The following SYTL2 variants were observed in gnomAD, a reference collection of about 807,000 sequenced individuals.
The protein encoded by SYTL2 is synaptotagmin-like protein 2.
In SYTL2, 165 loss-of-function variants were observed where a neutral mutation model predicts 198.7. The ratio of observed to expected loss-of-function variants is 0.83; its 90% confidence interval spans 0.73 to 0.94. The LOEUF (loss-of-function observed/expected upper bound fraction) is 0.94. Among genes scored for constraint, SYTL2 ranks in the 40% least tolerant of loss-of-function variants. The pLI, the probability that SYTL2 is intolerant of heterozygous loss-of-function variation, is 0.00. For synonymous variants in SYTL2, 966 were observed against 917.7 expected, an observed-to-expected ratio of 1.05 and a Z score of -0.95; for missense variants, 2,835 against 2,582.8, an observed-to-expected ratio of 1.10 and a Z score of -2.12.
At chr11:85,728,017 A>C (rs2089409885) in intron 7 of SYTL2, 50 bp from the exon 8 acceptor site, 1 of 1,455,056 alleles carries the variant, frequency 6.9e-7, no homozygotes, top group Admixed American at 2.4e-5. Context: ...TGCTTAAAGA[A>C]CTGTTAATCA....
Position 85,721,418 on chromosome 11 carries a change from A to G in SYTL2, c.5327-459T>C, listed in dbSNP as rs112270717. On this transcript the variant is annotated intron_variant, in intron 8 of 19. Transcript: ENST00000359152. The stretch of plus-strand genomic sequence containing the variant: ...GTACACATATGAGTGCATTCTCCAG[A>G]TCAAAGGTTGTAGACTTTCTGGGTT... Among the ~76,000 whole-genome samples the G allele has an allele frequency of 5.1e-4, 77 of 152,252 alleles. 1 individual carries two copies. Among genetic ancestry groups the G allele is most frequent in the African/African-American group, 1.7e-3 (72 of 41,536 alleles).
chr11:85,790,002 T>G (rs543026931), intron 1 of SYTL2, among the ~76,000 whole-genome samples: 1 of 152,066 alleles, frequency 6.6e-6, no homozygotes, highest in Non-Finnish European at 1.5e-5. Flanking sequence ...TTTTCAGATT[T>G]TGGAATATTT....
the SYTL2 span, among the ~76,000 whole-genome samples, chr11:85,820,357 G>T: frequency 6.6e-6 from 1 of 152,028 alleles, no homozygotes; most frequent in Non-Finnish European, 1.5e-5. Context: ...GGAGCACATG[G>T]GTTTTACCAA....
intron 1 of SYTL2, among the ~76,000 whole-genome samples, chr11:85,772,632 T>C (rs944988121): frequency 2.6e-5 from 4 of 152,176 alleles, no homozygotes; most frequent in African/African-American, 9.7e-5. Flanking sequence ...CATTTAACAT[T>C]AGATATCAAA....
In SYTL2 at chr11:85,727,512, T is replaced by C. The variant is rs1361194313; in HGVS notation, c.1846A>G (p.Met616Val). Residue 616 changes from methionine (M) to valine (V), a missense_variant, in exon 8 of 20, where the codon ATG becomes GTG. Around this residue, in one of 3 missense-constraint regions of SYTL2, gnomAD observed 2,645 missense variants for 2,381.7 expected, o/e 1.11. Transcript: ENST00000359152. ...GGGGTGCCTTTTTGGGACAAATTCA[T>C]GAATTTGGATTTGATATTCACATTA... ...DNNVNIKSKF[M>V]NLSQKGTPKE... 4 of 1,536,132 alleles carry C rather than the reference T, an allele frequency of 2.6e-6. No homozygotes were observed. The Admixed American group carries it at 7.8e-5, about 30-fold the overall frequency.
rs145351689 is a variant in SYTL2 at position 85,756,708 on chromosome 11, A to G, written c.101+917T>C. 2.7e-3 allele frequency among the ~76,000 whole-genome samples: 404 copies of G among 152,316 alleles called. 2 individuals are homozygous for G. Among genetic ancestry groups the G allele is most frequent in the African/African-American group, 9.3e-3 (385 of 41,564 alleles). ...TATAGAAGTTATTTTAGTAGTCATA[A>G]TCAGACATTCTGTAGTGGTTGAAGT... is the stretch of plus-strand genomic sequence containing the variant. On this transcript the variant is annotated intron_variant, in intron 2 of 19. Coordinates refer to ENST00000359152, the MANE Select transcript of SYTL2 (RefSeq NM_206927.4).
At chr11:85,763,317 C>T (rs2092148993) in intron 1 of SYTL2, among the ~76,000 whole-genome samples, 1 of 152,122 alleles carries the variant, frequency 6.6e-6, no homozygotes, top group South Asian at 2.1e-4. Context: ...ATGTGTCAGC[C>T]CTACCATGCC....
intron 1 of SYTL2, among the ~76,000 whole-genome samples, chr11:85,793,125 G>C (rs999724365): frequency 6.6e-6 from 1 of 151,518 alleles, no homozygotes; most frequent in African/African-American, 2.4e-5. Flanking sequence ...ATGATTTATA[G>C]TCCTTTGGGT....
chr11:85,802,968 T>C (rs1239856936), intron 1 of SYTL2, among the ~76,000 whole-genome samples: 4 of 152,230 alleles, frequency 2.6e-5, no homozygotes, highest in Admixed American at 1.3e-4. Context: ...ATGGGAAACA[T>C]GGACACTAGC....
At chr11:85,781,992 C>T (rs1237626636) in intron 1 of SYTL2, among the ~76,000 whole-genome samples, 1 of 152,238 alleles carries the variant, frequency 6.6e-6, no homozygotes, top group East Asian at 1.9e-4. Context: ...CTTCTCACAG[C>T]TCCACTAGGC....
chr11:85,790,890 G>A (rs975187570), intron 1 of SYTL2, among the ~76,000 whole-genome samples: 18 of 152,070 alleles, frequency 1.2e-4, no homozygotes, highest in Non-Finnish European at 2.2e-4. Flanking sequence ...TAGGCTGGGC[G>A]TGGTGGCTCA....
the SYTL2 span, among the ~76,000 whole-genome samples, chr11:85,845,418 T>C: frequency 6.6e-6 from 1 of 152,194 alleles, no homozygotes; most frequent in Admixed American, 6.5e-5. Context: ...TTGGAGTAAT[T>C]TGTTGTGCAA....
At position 85,754,110 on chromosome 11, in the gene SYTL2, T is replaced by G. The variant is rs550636108; in HGVS notation, c.101+3515A>C. ...TGTTTTGATTGGGCTGATATAATTA[T>G]ATAATGTGTTTCTAAGCCAAATAAC... On this transcript the variant is annotated intron_variant, in intron 2 of 19. Transcript: ENST00000359152. Among the ~76,000 whole-genome samples, 33 of 152,338 alleles carry G rather than the reference T, an allele frequency of 2.2e-4. 1 individual carries two copies. In the South Asian group the frequency reaches 6.6e-3, roughly 31 times the overall value.
intron 2 of SYTL2, among the ~76,000 whole-genome samples, chr11:85,751,801 A>G (rs1296778591): frequency 6.6e-6 from 1 of 152,174 alleles, no homozygotes; most frequent in African/African-American, 2.4e-5. Flanking sequence ...AATTTCATCC[A>G]TTTCAAAAGA....
chr11:85,803,671 C>T (rs2092921606), intron 1 of SYTL2, among the ~76,000 whole-genome samples: 1 of 152,160 alleles, frequency 6.6e-6, no homozygotes, highest in African/African-American at 2.4e-5. Flanking sequence ...AACATCTTTC[C>T]TTTAGAGAAC....
At position 85,725,950 on chromosome 11, in the gene SYTL2, C is replaced by T. The variant is rs1294737943; in HGVS notation, c.3408G>A (p.Leu1136=). ...TTGAGGTTTCTGAAAGCAGTTTCTG[C>T]AAGCTGTCATTAAAAGTGTCTTTGC... The part of the protein sequence containing the change: ...KDCKDTFNDS[L]QKLLSETSTP... The change falls in exon 8 of 20, where the codon TTG becomes TTA. Residue 1136 remains leucine, a synonymous_variant. Coordinates refer to ENST00000359152, the MANE Select transcript of SYTL2 (RefSeq NM_206927.4). The T allele has an allele frequency of 6.2e-7, 1 of 1,614,044 alleles. No homozygotes were observed. The highest frequency in any genetic ancestry group is 1.3e-5 in the African/African-American group (1 of 74,928).
At chr11:85,830,373 G>A in the SYTL2 span, among the ~76,000 whole-genome samples, 1 of 152,300 alleles carries the variant, frequency 6.6e-6, no homozygotes, top group East Asian at 1.9e-4. Flanking sequence ...GACTCCTTCA[G>A]AGTTTATAAA....
At chr11:85,721,558 T>C (rs1166483047) in intron 8 of SYTL2, among the ~76,000 whole-genome samples, 1 of 152,174 alleles carries the variant, frequency 6.6e-6, no homozygotes, top group South Asian at 2.1e-4. Flanking sequence ...CATTTACTAA[T>C]GCCGTTATTT....
intron 17 of SYTL2, among the ~76,000 whole-genome samples, chr11:85,698,727 C>A (rs1382459587): frequency 2.6e-5 from 4 of 152,106 alleles, no homozygotes; most frequent in Non-Finnish European, 5.9e-5. Context: ...TTTGTAGAGA[C>A]AGAGTTTCGT....
Sources: gnomAD v4.1 joint callset for allele counts (sites outside exome capture counted in the v4.1 genomes callset) on GRCh38, gnomAD v4.1.1 for gene constraint, gnomAD v4.1.1 regional missense constraint, MANE v1.5 for transcripts, NCBI Gene and HGNC (gene_info 2026-07-23, HGNC 2026-07-21) for gene names.